The following MYBPHL variants were observed in gnomAD, a reference collection of about 807,000 sequenced individuals.
MYBPHL encodes the protein myosin binding protein H like.
In MYBPHL, 32 loss-of-function variants were observed where a neutral mutation model predicts 39.5. That is an observed-to-expected ratio of 0.81 (90% CI 0.61 to 1.09). MYBPHL has a LOEUF of 1.09. Ranked by LOEUF, MYBPHL falls within the 50% of genes least tolerant of loss-of-function variation. MYBPHL has a pLI of 0.00. For missense variants in MYBPHL, 456 were observed against 460.2 expected (o/e 0.99, Z 0.08); for synonymous variants, 196 against 183.7 (o/e 1.07, Z -0.54).
chr1:109,295,319 G>T (rs1339403902), intron 6 of MYBPHL, 22 bp from the exon 7 acceptor site: 1 of 1,609,800 alleles, frequency 6.2e-7, no homozygotes, highest in African/African-American at 1.3e-5. Context: ...AGATGAGGGA[G>T]GCAGCAAGGA....
At position 109,303,848 on chromosome 1, in the gene MYBPHL, C is replaced by T. The variant is rs552701620; in HGVS notation, c.145+2999G>A. Among the ~76,000 whole-genome samples the T allele has an allele frequency of 1.0e-3, 153 of 152,314 alleles. 1 individual carries two copies. The highest frequency in any genetic ancestry group is 3.5e-3 in the African/African-American group (147 of 41,564). ...TCTCAGACTGAAATACTGCCACTGT[C>T]TCCCTCCCTGTGCTACAGCCACAAT... On this transcript the variant is annotated intron_variant, in intron 1 of 8. Coordinates refer to ENST00000357155, the MANE Select transcript of MYBPHL (RefSeq NM_001010985.3).
chr1:109,297,532 T>G lies in MYBPHL; in HGVS notation c.320A>C (p.Asp107Ala), dbSNP rs764867024. Residue 107 changes from aspartate (D) to alanine (A), a missense_variant, in exon 3 of 9, where the codon GAC becomes GCC. Coordinates refer to ENST00000357155, the MANE Select transcript of MYBPHL (RefSeq NM_001010985.3). ...RRVSVRNGEQ[D>A]SILFIREAQR... The stretch of plus-strand genomic sequence containing the variant: ...GGCTTCTCGGATGAAGAGGATGGAG[T>G]CTTGCTCCCCATTCCGCACACTCAC... 2 of 1,613,524 alleles carry G rather than the reference T, an allele frequency of 1.2e-6. No homozygotes were observed. The highest frequency in any genetic ancestry group is 1.7e-5 in the Admixed American group (1 of 59,988).
intron 2 of MYBPHL, 28 bp downstream of exon 2, chr1:109,298,141 G>A: frequency 6.4e-7 from 1 of 1,565,666 alleles, no homozygotes; most frequent in Non-Finnish European, 8.7e-7. Flanking sequence ...CCCCAGACAT[G>A]GACCCAGTAT....
chr1:109,298,876 G>C (rs1402925857), intron 1 of MYBPHL, among the ~76,000 whole-genome samples: 2 of 152,168 alleles, frequency 1.3e-5, no homozygotes, highest in Admixed American at 1.3e-4. Flanking sequence ...AGTTTGCAGA[G>C]GATCATTTTG....
Position 109,298,333 on chromosome 1 carries a change from G to A in MYBPHL, c.146-76C>T, listed in dbSNP as rs931363167. 2.3e-5 allele frequency: 31 copies of A among 1,332,336 alleles called. No individual in the cohort carries two copies. In the African/African-American group the frequency reaches 3.8e-4, roughly 17 times the overall value. The allele number at this position is 1,332,336 out of a possible 1,614,324, so 82.5% of individuals were successfully genotyped here. A position where few individuals can be genotyped will look rare whatever the true frequency, so the allele number is the denominator to read the frequency against. On this transcript the variant is annotated intron_variant, in intron 1 of 8. Coordinates refer to ENST00000357155, the MANE Select transcript of MYBPHL (RefSeq NM_001010985.3). ...ATCCTGCATCCAGCTGCCTGCTGTGGGTGAGTGGCCCAGGAATCGGTCACC... is the reference window on the plus strand; with the variant it reads ...ATCCTGCATCCAGCTGCCTGCTGTGAGTGAGTGGCCCAGGAATCGGTCACC...
At chr1:109,305,613 C>T (rs2101493510) in intron 1 of MYBPHL, among the ~76,000 whole-genome samples, 1 of 152,310 alleles carries the variant, frequency 6.6e-6, no homozygotes, top group African/African-American at 2.4e-5. Context: ...ATTCTCTGGG[C>T]CTTTTAAGGG....
intron 1 of MYBPHL, among the ~76,000 whole-genome samples, chr1:109,300,061 A>G (rs1658227625): frequency 6.6e-6 from 1 of 152,038 alleles, no homozygotes; most frequent in Non-Finnish European, 1.5e-5. Context: ...CCCTTTCTAC[A>G]TTTGCTGGGG....
chr1:109,306,013 G>A (rs968283703), intron 1 of MYBPHL, among the ~76,000 whole-genome samples: 1 of 152,204 alleles, frequency 6.6e-6, no homozygotes, highest in African/African-American at 2.4e-5. Flanking sequence ...TGTTAGAGGC[G>A]GCACTAGGAA....
At chr1:109,302,742 T>A (rs1658337600) in intron 1 of MYBPHL, among the ~76,000 whole-genome samples, 2 of 152,270 alleles carry the variant, frequency 1.3e-5, no homozygotes, top group African/African-American at 4.8e-5. Context: ...CCTTCTATGA[T>A]CAGAATTACA....
chr1:109,300,654 T>C (rs1443902287), intron 1 of MYBPHL, among the ~76,000 whole-genome samples: 1 of 152,212 alleles, frequency 6.6e-6, no homozygotes, highest in Non-Finnish European at 1.5e-5. Flanking sequence ...AATGGGTTTA[T>C]GTGGAACATA....
chr1:109,293,706 C>T (rs554777550), intron 8 of MYBPHL, among the ~76,000 whole-genome samples: 2 of 151,418 alleles, frequency 1.3e-5, no homozygotes, highest in East Asian at 3.9e-4. Context: ...CGCCACTGCA[C>T]TCCGGCCTGG....
At chr1:109,300,110 C>T (rs1036779705) in intron 1 of MYBPHL, among the ~76,000 whole-genome samples, 48 of 152,258 alleles carry the variant, frequency 3.2e-4, no homozygotes, top group Middle Eastern at 3.4e-3. Flanking sequence ...GTCCCTGTGC[C>T]GCCTGCCTAC....
Position 109,294,307 on chromosome 1 carries a change from C to A in MYBPHL, c.1055-58G>T, listed in dbSNP as rs1557761003. On this transcript the variant is annotated intron_variant, in intron 7 of 8. Transcript: ENST00000357155. ...ATCTCAGAAATCTCTGAGAAACTTT[C>A]TTTCAGAGCATTAGAAAGGAATATT... The A allele has an allele frequency of 2.6e-6, 4 of 1,521,800 alleles. No homozygotes were observed. In the East Asian group the frequency reaches 6.8e-5, roughly 26 times the overall value. The allele number at this position is 1,521,800 out of a possible 1,614,324, so 94.3% of individuals were successfully genotyped here. A position where few individuals can be genotyped will look rare whatever the true frequency, so the allele number is the denominator to read the frequency against.
chr1:109,306,260 C>G (rs941701883), intron 1 of MYBPHL, among the ~76,000 whole-genome samples: 3 of 152,164 alleles, frequency 2.0e-5, no homozygotes, highest in Non-Finnish European at 4.4e-5. Context: ...CACACAGAGA[C>G]CATCGTGAAG....
Position 109,294,779 on chromosome 1 carries a change from G to C in MYBPHL, c.1054+332C>G, listed in dbSNP as rs562452858. Among the ~76,000 whole-genome samples, 7 of 152,216 alleles carry C rather than the reference G, an allele frequency of 4.6e-5. No individual in the cohort carries two copies. In the South Asian group the frequency reaches 1.5e-3, roughly 32 times the overall value. On this transcript the variant is annotated intron_variant, in intron 7 of 8. Coordinates refer to ENST00000357155, the MANE Select transcript of MYBPHL (RefSeq NM_001010985.3). ...AGAAAAATGAGCTGAGCGAGGACCC[G>C]GAGACCTGGGCTATTTCCACCAGTG... is the stretch of plus-strand genomic sequence containing the variant.
rs1658013227 is a variant in MYBPHL, at chr1:109,295,151, G to A, written c.1014C>T (p.Pro338=). 2 of 1,613,794 alleles carry A rather than the reference G, an allele frequency of 1.2e-6. No individual in the cohort carries two copies. Among genetic ancestry groups the A allele is most frequent in the African/African-American group, 1.3e-5 (1 of 74,906 alleles). ...GGIYTCKAVN[P]LGEASVDCRV... ...GACAGTCCACAGATGCCTCCCCTAGGGGGTTCACCGCCTTGCAGGTATAGA... is the reference window on the plus strand; with the variant it reads ...GACAGTCCACAGATGCCTCCCCTAGAGGGTTCACCGCCTTGCAGGTATAGA... The change falls in exon 7 of 9, where the codon CCC becomes CCT. Residue 338 remains proline (P), a synonymous_variant. Transcript: ENST00000357155.
At chr1:109,294,286 C>A in intron 7 of MYBPHL, 37 bp from the exon 8 acceptor site, 1 of 1,602,984 alleles carries the variant, frequency 6.2e-7, no homozygotes, top group South Asian at 1.1e-5. Flanking sequence ...GTTAACATCT[C>A]AGAAATCTCT....
At chr1:109,297,673 G>A in intron 2 of MYBPHL, 56 bp from the exon 3 acceptor site, 6 of 1,477,494 alleles carry the variant, frequency 4.1e-6, no homozygotes, top group Non-Finnish European at 5.6e-6. Flanking sequence ...GACTCTCCCT[G>A]CTGCTGTAGG....
intron 1 of MYBPHL, among the ~76,000 whole-genome samples, chr1:109,305,769 A>T (rs1658445628): frequency 6.6e-6 from 1 of 152,232 alleles, no homozygotes; most frequent in South Asian, 2.1e-4. Flanking sequence ...TCCCATGAGG[A>T]TAAGAGGCAG....
Sources: gnomAD v4.1 joint callset for allele counts (sites outside exome capture counted in the v4.1 genomes callset) on GRCh38, gnomAD v4.1.1 for gene constraint, MANE v1.5 for transcripts, NCBI Gene and HGNC (gene_info 2026-07-23, HGNC 2026-07-21) for gene names.